ALDH2: variants seen among roughly 807,000 people sequenced by gnomAD.
ALDH2 encodes the protein aldehyde dehydrogenase 2 family member.
In ALDH2, 44 loss-of-function variants were observed where a neutral mutation model predicts 59.6. The observed-to-expected ratio is 0.74, with a 90% CI of 0.58 to 0.95. The LOEUF is 0.95. Ranked by LOEUF, ALDH2 falls within the 40% of genes least tolerant of loss-of-function variation. ALDH2 has a pLI of 0.00. For synonymous variants in ALDH2, 291 were observed against 284.0 expected (o/e 1.02, Z -0.25); for missense variants, 570 against 696.3 (o/e 0.82, Z 2.04).
chr12:111,774,498 G>T (rs371173086), intron 1 of ALDH2, among the ~76,000 whole-genome samples: 1 of 152,138 alleles, frequency 6.6e-6, no homozygotes, highest in Non-Finnish European at 1.5e-5. Flanking sequence ...GGGAAAATAC[G>T]GTGTTCCAGG....
rs1566199879 is a variant in ALDH2, at chr12:111,813,143, A to C, written c.*3568A>C. The C allele has an allele frequency of 6.6e-6, 1 of 152,206 alleles. No individual in the cohort carries two copies. Among genetic ancestry groups the C allele is most frequent in the Non-Finnish European group, 1.5e-5 (1 of 68,034 alleles). The allele number at this position is 152,206 out of a possible 1,614,324, so 9.4% of individuals were successfully genotyped here. A position where few individuals can be genotyped will look rare whatever the true frequency, so the allele number is the denominator to read the frequency against. On this transcript the variant is annotated 3_prime_UTR_variant, in exon 13 of 13. Coordinates refer to ENST00000261733, the MANE Select transcript of ALDH2 (RefSeq NM_000690.4). Reference sequence around the variant, plus strand: ...AAGCAGCTGTCTGAAGTAAAAACAAAGCTCTCAGGTGATGAACCACCTAAT... The same window carrying C: ...AAGCAGCTGTCTGAAGTAAAAACAACGCTCTCAGGTGATGAACCACCTAAT...
At position 111,783,350 on chromosome 12, in the gene ALDH2, CAGCATCCTGTGAACAGCCAGGAACCA is replaced by C. The variant is rs780221725; in HGVS notation, c.360+74_360+99del. On this transcript the variant is annotated intron_variant, in intron 3 of 12. Transcript: ENST00000261733. ...AGATCCCATGTGGTGAATAGGCTCG[CAGCATCCTGTGAACAGCCAGGAACCA>C]AGCATCCTGTGAACAGCCAGGGAAC... The C allele has an allele frequency of 1.5e-4, 228 of 1,555,268 alleles. 2 individuals carry two copies. The South Asian group carries it at 2.3e-3, about 16-fold the overall frequency.
chr12:111,790,415 C>T lies in ALDH2; in HGVS notation c.553-19C>T, dbSNP rs1482313594. Reference sequence around the variant, plus strand: ...TCTGAGGAAGCTTGGATTTCGAGGGCTGCTGTTGTTTGTTGCAGTGGAATT... The same window carrying T: ...TCTGAGGAAGCTTGGATTTCGAGGGTTGCTGTTGTTTGTTGCAGTGGAATT... On this transcript the variant is annotated intron_variant, in intron 5 of 12. Transcript: ENST00000261733. 6.2e-7 allele frequency: 1 copy of T among 1,613,724 alleles called. No individual in the cohort carries two copies. The highest frequency in any genetic ancestry group is 1.3e-5 in the African/African-American group (1 of 74,898).
chr12:111,790,874 G>A (rs1233247746), intron 6 of ALDH2, among the ~76,000 whole-genome samples: 1 of 152,142 alleles, frequency 6.6e-6, no homozygotes, highest in African/African-American at 2.4e-5. Context: ...GAGCAACATA[G>A]CAAGACCCCA....
chr12:111,783,025 G>A, intron 2 of ALDH2, 133 bp from the exon 3 acceptor site: 1 of 1,154,164 alleles, frequency 8.7e-7, no homozygotes, highest in Non-Finnish European at 1.2e-6. Flanking sequence ...CGGGCTAGGA[G>A]CATTGTTTAC....
intron 9 of ALDH2, among the ~76,000 whole-genome samples, chr12:111,795,226 G>C (rs1040881519): frequency 6.6e-6 from 1 of 152,118 alleles, no homozygotes; most frequent in African/African-American, 2.4e-5. Flanking sequence ...TTAATCTGTT[G>C]ACAGACTTGA....
At chr12:111,782,126 G>A in intron 2 of ALDH2, 104 bp downstream of exon 2, 1 of 833,876 alleles carries the variant, frequency 1.2e-6, no homozygotes. Context: ...ACTTTCACAA[G>A]TAACAGATAC....
chr12:111,803,765 A>G, intron 11 of ALDH2, 94 bp from the exon 12 acceptor site: 1 of 822,832 alleles, frequency 1.2e-6, no homozygotes, highest in Non-Finnish European at 1.7e-6. Context: ...TTAAGTTAAA[A>G]ATAAAATAAA....
chr12:111,792,117 G>A lies in ALDH2; in HGVS notation c.852G>A (p.Leu284=). 1 of 1,608,008 alleles carries A rather than the reference G, an allele frequency of 6.2e-7. No homozygotes were observed. Among genetic ancestry groups the A allele is most frequent in the South Asian group, 1.1e-5 (1 of 90,116 alleles). ...AGSSNLKRVT[L]ELGGKSPNII... is the part of the protein sequence containing the mutation. ...GCAGCAACCTCAAGAGAGTGACCTT[G>A]GAGCTGGGGGGGAAGAGCCCCAACA... is the stretch of plus-strand genomic sequence containing the variant. Residue 284 remains leucine (L), a synonymous_variant, in exon 8 of 13, where the codon TTG becomes TTA. Transcript: ENST00000261733.
chr12:111,809,754 G>GT lies in ALDH2; in HGVS notation c.*180dup, dbSNP rs1408548135. On this transcript the variant is annotated 3_prime_UTR_variant, in exon 13 of 13. Transcript: ENST00000261733. ...GATAAACATGGTGGGTTGGCTGAGG[G>GT]TAAGAGTATATGAGGAACCTTTTAA... 2.8e-5 allele frequency: 19 copies of GT among 673,920 alleles called. No individual in the cohort carries two copies. Among genetic ancestry groups the GT allele is most frequent in the Admixed American group, 1.6e-4 (6 of 38,172 alleles). 41.7% of individuals were successfully genotyped at this position (673,920 alleles called of 1,614,324 possible).
rs1171635190 is a variant in ALDH2, at chr12:111,809,824, G to T, written c.*249G>T. On this transcript the variant is annotated 3_prime_UTR_variant, in exon 13 of 13. Coordinates refer to ENST00000261733, the MANE Select transcript of ALDH2 (RefSeq NM_000690.4). ...CTTTCAGGATGATTTTTAAAAAATAGATTCAAATGTGTTATCCTCTCTCTG... is the reference window on the plus strand; with the variant it reads ...CTTTCAGGATGATTTTTAAAAAATATATTCAAATGTGTTATCCTCTCTCTG... 1 of 554,768 alleles carries T rather than the reference G, an allele frequency of 1.8e-6. No individual in the cohort carries two copies. The highest frequency in any genetic ancestry group is 3.2e-6 in the Non-Finnish European group (1 of 312,572). The allele number at this position is 554,768 out of a possible 1,614,324, so 34.4% of individuals were successfully genotyped here. A position where few individuals can be genotyped will look rare whatever the true frequency, so the allele number is the denominator to read the frequency against.
At chr12:111,789,668 C>T (rs1218558587) in intron 4 of ALDH2, among the ~76,000 whole-genome samples, 155 bp from the exon 5 acceptor site, 2 of 152,072 alleles carry the variant, frequency 1.3e-5, no homozygotes, top group African/African-American at 2.4e-5. Flanking sequence ...ATTTTCGTGA[C>T]CTTTGCAGTC....
At chr12:111,780,558 C>G (rs553146645) in intron 1 of ALDH2, among the ~76,000 whole-genome samples, 2 of 152,168 alleles carry the variant, frequency 1.3e-5, no homozygotes, top group Non-Finnish European at 1.5e-5. Flanking sequence ...ATTCCGGACT[C>G]GGTCAAATGT....
chr12:111,775,855 T>A, intron 1 of ALDH2: 1 of 254,504 alleles, frequency 3.9e-6, no homozygotes, highest in Non-Finnish European at 8.0e-6. Flanking sequence ...GAACAGTTCC[T>A]ACCCAGCCCC....
At chr12:111,777,754 C>G (rs1388015867) in intron 1 of ALDH2, among the ~76,000 whole-genome samples, 1 of 152,204 alleles carries the variant, frequency 6.6e-6, no homozygotes, top group Non-Finnish European at 1.5e-5. Context: ...GAACTTAGGT[C>G]TGGCAGTTTC....
Position 111,792,846 on chromosome 12 carries a change from C to T in ALDH2, c.1083+64C>T, listed in dbSNP as rs543619277. 2.2e-4 allele frequency: 324 copies of T among 1,488,572 alleles called. No individual in the cohort carries two copies. In the South Asian group the frequency reaches 3.8e-3, roughly 18 times the overall value. 92.2% of individuals were successfully genotyped at this position (1,488,572 alleles called of 1,614,324 possible). A position where few individuals can be genotyped will look rare whatever the true frequency, so the allele number is the denominator to read the frequency against. ...CCAGCATGAGAAGCAGAGAGGGCAT[C>T]GGGCTCAGATCAGTTGGGACTGGGT... On this transcript the variant is annotated intron_variant, in intron 9 of 12. Coordinates refer to ENST00000261733, the MANE Select transcript of ALDH2 (RefSeq NM_000690.4).
At chr12:111,779,477 A>G (rs2068256447) in intron 1 of ALDH2, among the ~76,000 whole-genome samples, 1 of 152,180 alleles carries the variant, frequency 6.6e-6, no homozygotes, top group Non-Finnish European at 1.5e-5. Context: ...GGTGTGAGCC[A>G]CTGTGCCAGG....
chr12:111,817,251 C>T lies in ALDH2; in HGVS notation c.*7676C>T, dbSNP rs1436811984. The T allele has an allele frequency of 6.6e-6, 1 of 152,128 alleles. No individual in the cohort carries two copies. Among genetic ancestry groups the T allele is most frequent in the African/African-American group, 2.4e-5 (1 of 41,428 alleles). 9.4% of individuals were successfully genotyped at this position (152,128 alleles called of 1,614,324 possible). On this transcript the variant is annotated 3_prime_UTR_variant, in exon 13 of 13. Coordinates refer to ENST00000261733, the MANE Select transcript of ALDH2 (RefSeq NM_000690.4). ...GGAAACAATAGCAAAAATTATCATG[C>T]CTAAGGCTCTATGGGCACAATGAGT...
intron 1 of ALDH2, among the ~76,000 whole-genome samples, chr12:111,774,310 A>G (rs1394202693): frequency 2.0e-5 from 3 of 152,088 alleles, no homozygotes; most frequent in Admixed American, 6.6e-5. Flanking sequence ...GGAAGAGGGA[A>G]TGTGTGTGGC....
Sources: allele counts gnomAD v4.1 joint callset (sites outside exome capture counted in the v4.1 genomes callset), GRCh38; gene constraint gnomAD v4.1.1; transcripts MANE v1.5; gene names NCBI Gene and HGNC (gene_info 2026-07-23, HGNC 2026-07-21).